BLM: variants seen among roughly 807,000 people sequenced by gnomAD.
BLM encodes the protein recQ-like DNA helicase BLM.
A neutral mutation model predicts 135.3 loss-of-function variants in BLM; 95 were observed. That is an observed-to-expected ratio of 0.70 (90% CI 0.59 to 0.83). The LOEUF (loss-of-function observed/expected upper bound fraction) is 0.83. BLM is among the 40% of genes least tolerant of loss of function. The pLI is 0.00. For missense variants in BLM, 1,518 were observed against 1,663.9 expected (o/e 0.91, Z 1.53); for synonymous variants, 520 against 589.2 (o/e 0.88, Z 1.70).
chr15:90,792,905 TG>T, intron 15 of BLM, among the ~76,000 whole-genome samples: 1 of 151,574 alleles, frequency 6.6e-6, no homozygotes, highest in African/African-American at 2.4e-5. Flanking sequence ...TATTTACACT[TG>T]GTTTGCCCAT....
chr15:90,723,117 C>G (rs1169765364), intron 1 of BLM, among the ~76,000 whole-genome samples: 1 of 152,202 alleles, frequency 6.6e-6, no homozygotes, highest in East Asian at 1.9e-4. Flanking sequence ...GCTGGGATTA[C>G]AGGCATGAGC....
At chr15:90,743,926 T>A (rs949414072) in intron 1 of BLM, among the ~76,000 whole-genome samples, 17 of 152,022 alleles carry the variant, frequency 1.1e-4, no homozygotes, top group African/African-American at 3.4e-4. Flanking sequence ...CAGGAAGAGG[T>A]CCCCTGGAGT....
At chr15:90,771,681 T>G (rs1245203673) in intron 12 of BLM, among the ~76,000 whole-genome samples, 1 of 150,124 alleles carries the variant, frequency 6.7e-6, no homozygotes, top group Non-Finnish European at 1.5e-5. Context: ...GCTTAAACAG[T>G]CCTCCCATCT....
chr15:90,729,637 G>A (rs1895012904), intron 1 of BLM, among the ~76,000 whole-genome samples: 1 of 152,074 alleles, frequency 6.6e-6, no homozygotes, highest in South Asian at 2.1e-4. Flanking sequence ...GGTCCATCTG[G>A]TTAGTCCAGG....
At chr15:90,736,217 C>G (rs1326629657) in intron 1 of BLM, among the ~76,000 whole-genome samples, 23 of 152,176 alleles carry the variant, frequency 1.5e-4, no homozygotes, top group Admixed American at 1.4e-3. Context: ...CCCTTTGACC[C>G]AGCCATTCCA....
chr15:90,719,731 G>C (rs1345429455), intron 1 of BLM, among the ~76,000 whole-genome samples: 1 of 151,998 alleles, frequency 6.6e-6, no homozygotes. Context: ...AAAATTAAAA[G>C]ATATACATAT....
intron 15 of BLM, among the ~76,000 whole-genome samples, chr15:90,792,089 T>TTTTC (rs1386339860): frequency 2.2e-5 from 3 of 136,316 alleles, no homozygotes. Flanking sequence ...ACCACTTTTT[T>TTTTC]TTTTCTTTTT....
rs778248812 is a variant in BLM, at chr15:90,809,124, T to G, written c.3752-13T>G. ...GTGATAATTTAAATTCCTAATTTTA[T>G]GCCTTTGCACAGAATCTTTATCTTC... On this transcript the variant is annotated splice_polypyrimidine_tract_variant and intron_variant, in intron 19 of 21. Coordinates refer to ENST00000355112, the MANE Select transcript of BLM (RefSeq NM_000057.4). The G allele has an allele frequency of 9.9e-6, 16 of 1,614,030 alleles. No individual in the cohort carries two copies. The highest frequency in any genetic ancestry group is 1.4e-5 in the Non-Finnish European group (16 of 1,179,940).
chr15:90,797,221 C>G (rs1208986913), intron 16 of BLM, among the ~76,000 whole-genome samples: 1 of 151,918 alleles, frequency 6.6e-6, no homozygotes, highest in African/African-American at 2.4e-5. Context: ...AAAGACTAGC[C>G]TGGCCAACGT....
chr15:90,808,920 C>A, intron 19 of BLM: 1 of 627,876 alleles, frequency 1.6e-6, no homozygotes, highest in South Asian at 1.8e-5. Context: ...TCTGCCCTGG[C>A]CTATGCCGCT....
At chr15:90,755,200 G>C (rs1895786993) in intron 5 of BLM, 4 of 472,370 alleles carry the variant, frequency 8.5e-6, no homozygotes, top group Non-Finnish European at 1.5e-5. Context: ...ACTGAGCCAA[G>C]ATCTGCAACT....
At chr15:90,813,996 C>T (rs1334384617) in intron 21 of BLM, among the ~76,000 whole-genome samples, 3 of 152,200 alleles carry the variant, frequency 2.0e-5, no homozygotes, top group African/African-American at 7.2e-5. Flanking sequence ...CCGATTCATT[C>T]TGTAAATCAA....
In BLM at chr15:90,747,429, C is replaced by T; in HGVS notation, c.37C>T (p.Leu13=). 1 of 1,611,886 alleles carries T rather than the reference C, an allele frequency of 6.2e-7. No individual in the cohort carries two copies. Among genetic ancestry groups the T allele is most frequent in the Non-Finnish European group, 8.5e-7 (1 of 1,178,816 alleles). The stretch of plus-strand genomic sequence containing the variant: ...TCCTCAAAATAATCTACAGGAGCAA[C>T]TAGAACGTCACTCAGCCAGAACACT... The part of the protein sequence containing the change: ...AVPQNNLQEQ[L]ERHSARTLNN... The change falls in exon 2 of 22, where the codon CTA becomes TTA. Residue 13 remains leucine (L), a synonymous_variant. Transcript: ENST00000355112.
intron 1 of BLM, among the ~76,000 whole-genome samples, chr15:90,746,022 G>T (rs767705055): frequency 4.6e-5 from 7 of 152,156 alleles, no homozygotes; most frequent in Non-Finnish European, 8.8e-5. Flanking sequence ...AGGCTGCAGT[G>T]AGCTGTGATT....
chr15:90,752,439 A>T (rs28384994), intron 4 of BLM, among the ~76,000 whole-genome samples: 1 of 152,148 alleles, frequency 6.6e-6, no homozygotes, highest in African/African-American at 2.4e-5. Flanking sequence ...GGCCTCCCAA[A>T]GTGCTAGGAT....
chr15:90,768,188 C>T (rs1896190692), intron 10 of BLM, among the ~76,000 whole-genome samples: 1 of 152,110 alleles, frequency 6.6e-6, no homozygotes, highest in Non-Finnish European at 1.5e-5. Flanking sequence ...GGCGATCTGC[C>T]CACCTCGGCC....
chr15:90,762,991 C>T lies in BLM; in HGVS notation c.1908C>T (p.Ser636=), dbSNP rs1409930066. The part of the protein sequence containing the change: ...YTDKSAQNLA[S]RNLKHERFQS... ...ACAAGTCAGCACAAAATTTAGCATC[C>T]AGAAATCTGAAACATGAGCGTTTCC... Residue 636 remains serine (S), a synonymous_variant, in exon 8 of 22, where the codon TCC becomes TCT. Transcript: ENST00000355112. 6.2e-7 allele frequency: 1 copy of T among 1,613,560 alleles called. No homozygotes were observed. Among genetic ancestry groups the T allele is most frequent in the East Asian group, 2.2e-5 (1 of 44,870 alleles).
chr15:90,782,805 GT>G lies in BLM; in HGVS notation c.2556-14del. The G allele has an allele frequency of 6.4e-7, 1 of 1,568,012 alleles. No homozygotes were observed. Among genetic ancestry groups the G allele is most frequent in the Non-Finnish European group, 8.8e-7 (1 of 1,138,334 alleles). On this transcript the variant is annotated splice_polypyrimidine_tract_variant and intron_variant, in intron 12 of 21. Transcript: ENST00000355112. ...TTTTCTCATAATAACTAAATTTTAT[GT>G]TTGGGACTTTTTTAGGTTTAGCATG...
intron 21 of BLM, among the ~76,000 whole-genome samples, chr15:90,813,576 A>G (rs1897477846): frequency 6.6e-6 from 1 of 151,954 alleles, no homozygotes; most frequent in African/African-American, 2.4e-5. Flanking sequence ...GTATTTTTAG[A>G]TGGGGTTTCA....
Sources: gnomAD v4.1 joint callset for allele counts (sites outside exome capture counted in the v4.1 genomes callset) on GRCh38, gnomAD v4.1.1 for gene constraint, MANE v1.5 for transcripts, NCBI Gene and HGNC (gene_info 2026-07-23, HGNC 2026-07-21) for gene names.